The following LRP2 variants were observed in gnomAD, a reference collection of about 807,000 sequenced individuals.
LRP2 encodes the protein LDL receptor related protein 2.
LRP2 carries 172 observed loss-of-function variants against 531.0 expected under a neutral mutation model. The observed-to-expected ratio is 0.32, with a 90% confidence interval of 0.29 to 0.37. The LOEUF is 0.37. Ranked by LOEUF, LRP2 falls within the 10% of genes least tolerant of loss-of-function variation. LRP2 has a pLI of 1.00. For missense variants in LRP2, 5,167 were observed against 5,868.3 expected, an observed-to-expected ratio of 0.88 and a Z score of 3.90; for synonymous variants, 1,992 against 2,027.6, an observed-to-expected ratio of 0.98 and a Z score of 0.47.
At chr2:169,139,227 A>G in intron 74 of LRP2, 24 bp downstream of exon 74, 2 of 1,614,098 alleles carry the variant, frequency 1.2e-6, no homozygotes, top group South Asian at 2.2e-5. Context: ...TTCAAACATC[A>G]ACGTTCCCCA....
chr2:169,258,232 C>A (rs1336164268), intron 17 of LRP2, among the ~76,000 whole-genome samples: 1 of 152,090 alleles, frequency 6.6e-6, no homozygotes, highest in Non-Finnish European at 1.5e-5. Flanking sequence ...CTGACTGTTG[C>A]CTAATAGCTG....
At chr2:169,358,339 T>A (rs1013753309) in intron 1 of LRP2, among the ~76,000 whole-genome samples, 5 of 152,118 alleles carry the variant, frequency 3.3e-5, no homozygotes, top group African/African-American at 1.2e-4. Flanking sequence ...CCTCCTGGGC[T>A]AATTGCTTAT....
At chr2:169,316,328 T>C (rs1244771973) in intron 3 of LRP2, among the ~76,000 whole-genome samples, 2 of 152,126 alleles carry the variant, frequency 1.3e-5, no homozygotes, top group Non-Finnish European at 2.9e-5. Context: ...GGGATTGTGA[T>C]AGCCTTTTCA....
chr2:169,175,180 C>A lies in LRP2; in HGVS notation c.10768+13G>T. ...AGAAGTCGGAAAAAGAGGCATAAAG[C>A]GACTCAACACACCACAAAGAAGACG... On this transcript the variant is annotated intron_variant, in intron 55 of 78. Transcript: ENST00000649046. 1 of 1,613,566 alleles carries A rather than the reference C, an allele frequency of 6.2e-7. No individual in the cohort carries two copies. The highest frequency in any genetic ancestry group is 8.5e-7 in the Non-Finnish European group (1 of 1,179,658).
chr2:169,282,836 C>T lies in LRP2; in HGVS notation c.1171+37G>A, dbSNP rs831010. 1,332,400 of 1,601,396 alleles carry T rather than the reference C, an allele frequency of 0.83. 555,341 individuals carry two copies. Among genetic ancestry groups the T allele is most frequent in the East Asian group, 0.89 (39,800 of 44,778 alleles). On this transcript the variant is annotated intron_variant, in intron 10 of 78. Coordinates refer to ENST00000649046, the MANE Select transcript of LRP2 (RefSeq NM_004525.3). ...AGGAAAGAAGCTATTAGAATCTGTTCACTGTTCAGAGACACAGGTGTCCAT... is the reference window on the plus strand; with the variant it reads ...AGGAAAGAAGCTATTAGAATCTGTTTACTGTTCAGAGACACAGGTGTCCAT...
At chr2:169,162,719 G>C (rs1316336592) in intron 62 of LRP2, 119 bp from the exon 63 acceptor site, 2 of 1,064,858 alleles carry the variant, frequency 1.9e-6, no homozygotes, top group Non-Finnish European at 2.8e-6. Context: ...ACATTTCCCA[G>C]TCTCCCTTGC....
rs113446556 is a variant in LRP2 at position 169,320,190 on chromosome 2, C to T, written c.187+587G>A. 2.6e-3 allele frequency among the ~76,000 whole-genome samples: 392 copies of T among 152,238 alleles called. 2 individuals are homozygous for T. Among genetic ancestry groups the T allele is most frequent in the African/African-American group, 8.9e-3 (368 of 41,532 alleles). ...CGACCTCAGAAGATTAGTGAGAAAA[C>T]TAAATGACAAAATGAATGTGAAAGT... On this transcript the variant is annotated intron_variant, in intron 2 of 78. Coordinates refer to ENST00000649046, the MANE Select transcript of LRP2 (RefSeq NM_004525.3).
intron 29 of LRP2, 56 bp from the exon 30 acceptor site, chr2:169,233,644 C>T: frequency 6.7e-7 from 1 of 1,486,062 alleles, no homozygotes; most frequent in Non-Finnish European, 9.4e-7. Flanking sequence ...CCAAGGTGCA[C>T]TGAGTCAAAG....
chr2:169,214,012 G>T, intron 35 of LRP2, 142 bp from the exon 36 acceptor site: 1 of 679,182 alleles, frequency 1.5e-6, no homozygotes. Flanking sequence ...TCTATTTTCT[G>T]ATTTGATCAT....
chr2:169,325,059 CAAAAAAA>C (rs5836231), intron 1 of LRP2, among the ~76,000 whole-genome samples: 2 of 75,772 alleles, frequency 2.6e-5, no homozygotes, highest in Non-Finnish European at 5.3e-5. Flanking sequence ...AAGTTTTTTT[CAAAAAAA>C]AAAAAAAAGA....
intron 62 of LRP2, among the ~76,000 whole-genome samples, chr2:169,164,707 C>A (rs544587514): frequency 9.2e-5 from 14 of 152,090 alleles, no homozygotes; most frequent in African/African-American, 2.9e-4. Context: ...TGAACCTTTG[C>A]CATTTTAAGC....
Position 169,137,382 on chromosome 2 carries a change from G to A in LRP2, c.13620+10C>T. 6.3e-7 allele frequency: 1 copy of A among 1,582,928 alleles called. No individual in the cohort carries two copies. The highest frequency in any genetic ancestry group is 8.7e-7 in the Non-Finnish European group (1 of 1,151,714). ...CAGTAACTGAAAGAAAAGACTGTATGGTTTCTCACCTGGATTGGCTGAACC... is the reference window on the plus strand; with the variant it reads ...CAGTAACTGAAAGAAAAGACTGTATAGTTTCTCACCTGGATTGGCTGAACC... On this transcript the variant is annotated intron_variant, in intron 76 of 78. Transcript: ENST00000649046.
rs759734710 is a variant in LRP2, at chr2:169,140,464, G to A, written c.13190C>T (p.Pro4397Leu). The A allele has an allele frequency of 8.7e-6, 14 of 1,613,500 alleles. No individual in the cohort carries two copies. The African/African-American group carries it at 1.7e-4, about 20-fold the overall frequency. ...CAACATTCAGACTTACTTGCATTTGGGGAGGTCAGTCTCATCAAAATAGCA... is the reference window on the plus strand; with the variant it reads ...CAACATTCAGACTTACTTGCATTTGAGGAGGTCAGTCTCATCAAAATAGCA... The part of the protein sequence containing the change: ...GNCYFDETDL[P>L]KCKCPSGYTG... Residue 4397 changes from proline to leucine, a missense_variant, in exon 72 of 79, where the codon CCC (proline) becomes CTC (leucine). Pro to Leu is a moderately conservative substitution (Grantham distance 98, BLOSUM62 -3). Transcript: ENST00000649046.
chr2:169,168,527 T>G lies in LRP2; in HGVS notation c.11635+12A>C. ...ACACCACTCCCATTCACTCCGTTTC[T>G]CTCCCTCTTACAGCACAGGTGAAGT... On this transcript the variant is annotated intron_variant, in intron 61 of 78. Transcript: ENST00000649046. 2 of 1,613,986 alleles carry G rather than the reference T, an allele frequency of 1.2e-6. No homozygotes were observed. The highest frequency in any genetic ancestry group is 1.7e-6 in the Non-Finnish European group (2 of 1,179,918).
intron 16 of LRP2, among the ~76,000 whole-genome samples, chr2:169,259,664 AC>A (rs1391310316): frequency 2.0e-5 from 3 of 151,964 alleles, no homozygotes; most frequent in African/African-American, 4.8e-5. Flanking sequence ...ACAGTCTTCC[AC>A]AGCCACAAAG....
At position 169,139,336 on chromosome 2, in the gene LRP2, C is replaced by T. The variant is rs751890334; in HGVS notation, c.13303G>A (p.Val4435Ile). 2.0e-5 allele frequency: 33 copies of T among 1,613,954 alleles called. No individual in the cohort carries two copies. The highest frequency in any genetic ancestry group is 2.5e-5 in the Non-Finnish European group (30 of 1,180,032). ...GCAATTGCCAGAGCTCCAATTACGA[C>T]GATCAAGAGGATTGTCAACAGCACA... ...VAVLLTILLI[V>I]VIGALAIAGF... The change falls in exon 74 of 79, where the codon GTC becomes ATC. Residue 4435 changes from valine (V) to isoleucine (I), a missense_variant. Around this residue, in one of 6 missense-constraint regions of LRP2, gnomAD observed 348 missense variants for 369.3 expected, o/e 0.94. Coordinates refer to ENST00000649046, the MANE Select transcript of LRP2 (RefSeq NM_004525.3).
intron 1 of LRP2, among the ~76,000 whole-genome samples, chr2:169,326,805 A>C (rs1467199081): frequency 2.0e-5 from 3 of 148,650 alleles, no homozygotes; most frequent in African/African-American, 7.6e-5. Flanking sequence ...CCATCTGGGA[A>C]GTGAGGAGCG....
chr2:169,215,973 G>C (rs916683087), intron 35 of LRP2, among the ~76,000 whole-genome samples: 1 of 151,724 alleles, frequency 6.6e-6, no homozygotes, highest in African/African-American at 2.4e-5. Context: ...AGTAAGAAAT[G>C]ACAAATGGAA....
At chr2:169,267,112 A>G (rs894071559) in intron 16 of LRP2, among the ~76,000 whole-genome samples, 1 of 150,458 alleles carries the variant, frequency 6.6e-6, no homozygotes, top group African/African-American at 2.4e-5. Context: ...CTGGTCTCAA[A>G]CTCCCGGCCT....
Sources: allele counts gnomAD v4.1 joint callset (sites outside exome capture counted in the v4.1 genomes callset), GRCh38; gene constraint gnomAD v4.1.1; regional missense constraint gnomAD v4.1.1; transcripts MANE v1.5; gene names NCBI Gene and HGNC (gene_info 2026-07-23, HGNC 2026-07-21).